The following KCNMA1 variants were observed in gnomAD, a reference collection of about 807,000 sequenced individuals.
KCNMA1 encodes the protein potassium calcium-activated channel subfamily M alpha 1.
Under a neutral mutation model 140.0 loss-of-function variants are expected in KCNMA1, and 29 were observed. That is an observed-to-expected ratio of 0.21 (90% CI 0.15 to 0.28). KCNMA1 has a LOEUF of 0.28. Among genes scored for constraint, KCNMA1 ranks in the 10% least tolerant of loss-of-function variants. The pLI, the probability that KCNMA1 is intolerant of heterozygous loss-of-function variation, is 1.00. For missense variants in KCNMA1, 880 were observed against 1,602.2 expected (o/e 0.55, Z 7.70); for synonymous variants, 612 against 611.9 (o/e 1.00, Z 0.00).
intron 1 of KCNMA1, among the ~76,000 whole-genome samples, chr10:77,459,871 A>G (rs1246341348): frequency 6.6e-6 from 1 of 152,178 alleles, no homozygotes; most frequent in Non-Finnish European, 1.5e-5. Context: ...CCTCATCTAT[A>G]AAGTGGACAC....
At chr10:76,954,782 T>C (rs1404569469) in intron 20 of KCNMA1, among the ~76,000 whole-genome samples, 1 of 152,174 alleles carries the variant, frequency 6.6e-6, no homozygotes, top group Admixed American at 6.5e-5. Flanking sequence ...TCTATTGCCT[T>C]GTCTATTGGT....
intron 2 of KCNMA1, among the ~76,000 whole-genome samples, chr10:77,319,907 T>G (rs1176979856): frequency 1.3e-5 from 2 of 152,230 alleles, no homozygotes; most frequent in Non-Finnish European, 1.5e-5. Flanking sequence ...ACCTTTCTTG[T>G]GTTATGCCAC....
intron 16 of KCNMA1, among the ~76,000 whole-genome samples, chr10:77,025,244 A>ATG (rs1413164422): frequency 1.6e-4 from 8 of 50,248 alleles, no homozygotes; most frequent in African/African-American, 5.9e-4. Flanking sequence ...GTGTGTGTGT[A>ATG]TATATATATA....
chr10:77,255,536 G>T (rs974628713), intron 2 of KCNMA1, among the ~76,000 whole-genome samples: 14 of 152,030 alleles, frequency 9.2e-5, no homozygotes, highest in African/African-American at 2.7e-4. Flanking sequence ...GGAGGCAGAG[G>T]TTGCAGTGAG....
chr10:77,447,078 C>A (rs1179930694), intron 1 of KCNMA1, among the ~76,000 whole-genome samples: 1 of 152,214 alleles, frequency 6.6e-6, no homozygotes, highest in African/African-American at 2.4e-5. Context: ...TGCAAACAGC[C>A]CCCAGCTGTC....
intron 5 of KCNMA1, chr10:77,150,126 T>C (rs2098391671): frequency 6.6e-6 from 1 of 152,210 alleles, no homozygotes; most frequent in Non-Finnish European, 1.5e-5. Flanking sequence ...GGATTCTTTC[T>C]TCCTGCCACA....
intron 14 of KCNMA1, among the ~76,000 whole-genome samples, chr10:77,051,534 A>C (rs188064378): frequency 1.3e-5 from 2 of 152,340 alleles, no homozygotes; most frequent in Admixed American, 6.5e-5. Context: ...TCCCCTCTGC[A>C]GTTTCTCAGA....
In KCNMA1 at chr10:77,398,060, A is replaced by ATGTGTGTGTG. The variant is rs71028275; in HGVS notation, c.540+5792_540+5801dup. ...TGCATGTGTGTGTATATATGTGTGT[A>ATGTGTGTGTG]TGTGTGTGTGTGTGTGTGTATTTTT... On this transcript the variant is annotated intron_variant, in intron 2 of 27. Transcript: ENST00000286628. Among the ~76,000 whole-genome samples the ATGTGTGTGTG allele has an allele frequency of 1.7e-3, 250 of 148,484 alleles. 1 individual carries two copies. The highest frequency in any genetic ancestry group is 5.8e-3 in the African/African-American group (234 of 40,472).
At chr10:77,529,715 C>T (rs961466514) in intron 1 of KCNMA1, among the ~76,000 whole-genome samples, 1 of 152,072 alleles carries the variant, frequency 6.6e-6, no homozygotes, top group Non-Finnish European at 1.5e-5. Context: ...CACCCCTGAT[C>T]CCAGAACCTC....
rs369739808 is a variant in KCNMA1 at position 77,590,341 on chromosome 10, C to T, written c.378+46924G>A. 3.5e-4 allele frequency among the ~76,000 whole-genome samples: 54 copies of T among 152,322 alleles called. No individual in the cohort carries two copies. In the East Asian group the frequency reaches 7.9e-3, roughly 22 times the overall value. ...GCGCCGTGGAGCAGGGGGCGGCGCT[C>T]CTCGGGGAGGCTCGGGCAGCACAGG... On this transcript the variant is annotated intron_variant, in intron 1 of 27. Coordinates refer to ENST00000286628, the MANE Select transcript of KCNMA1 (RefSeq NM_001161352.2).
chr10:77,235,056 C>A (rs184891659), intron 3 of KCNMA1, among the ~76,000 whole-genome samples: 1 of 152,144 alleles, frequency 6.6e-6, no homozygotes, highest in African/African-American at 2.4e-5. Context: ...TTGCCTCCTA[C>A]GAGAAGATGA....
intron 3 of KCNMA1, among the ~76,000 whole-genome samples, chr10:77,205,281 A>C (rs928347066): frequency 3.9e-5 from 6 of 152,210 alleles, no homozygotes; most frequent in African/African-American, 1.4e-4. Context: ...TAAACTTGAC[A>C]CGAAGCATAC....
chr10:77,128,668 A>G lies in KCNMA1; in HGVS notation c.809-7620T>C, dbSNP rs539292759. ...AAATGAACATATAGTAAATATTAAT[A>G]AATATTTTAGGCTGTCACAACGACT... On this transcript the variant is annotated intron_variant, in intron 5 of 27. Transcript: ENST00000286628. Among the ~76,000 whole-genome samples, 5 of 152,292 alleles carry G rather than the reference A, an allele frequency of 3.3e-5. No individual in the cohort carries two copies. In the East Asian group the frequency reaches 9.6e-4, roughly 29 times the overall value.
chr10:76,944,550 A>C (rs1454343508), intron 23 of KCNMA1, among the ~76,000 whole-genome samples: 7 of 152,186 alleles, frequency 4.6e-5, no homozygotes. Flanking sequence ...TATCCTCTGG[A>C]AAGGCAACCT....
At chr10:77,412,134 T>G (rs2096633851) in intron 1 of KCNMA1, among the ~76,000 whole-genome samples, 1 of 152,074 alleles carries the variant, frequency 6.6e-6, no homozygotes. Context: ...GGGAAGCCCC[T>G]CTCATCCCTG....
At chr10:77,325,216 G>A (rs898500681) in intron 2 of KCNMA1, among the ~76,000 whole-genome samples, 9 of 152,094 alleles carry the variant, frequency 5.9e-5, no homozygotes, top group Non-Finnish European at 8.8e-5. Flanking sequence ...CTAAATGTCA[G>A]GTTAATATCC....
At chr10:77,439,652 A>T (rs1322042840) in intron 1 of KCNMA1, among the ~76,000 whole-genome samples, 1 of 152,214 alleles carries the variant, frequency 6.6e-6, no homozygotes, top group African/African-American at 2.4e-5. Context: ...GCCAGGGGAC[A>T]GCAGGAGAGG....
At chr10:77,348,661 A>T (rs1359110939) in intron 2 of KCNMA1, among the ~76,000 whole-genome samples, 1 of 152,250 alleles carries the variant, frequency 6.6e-6, no homozygotes, top group Non-Finnish European at 1.5e-5. Flanking sequence ...CACAGGATCC[A>T]GAAATATATT....
intron 2 of KCNMA1, among the ~76,000 whole-genome samples, chr10:77,389,439 C>T (rs1248443635): frequency 2.0e-5 from 3 of 152,070 alleles, no homozygotes; most frequent in Non-Finnish European, 4.4e-5. Flanking sequence ...TTCAGGGGCC[C>T]CATGATTTGC....
Sources: allele counts gnomAD v4.1 joint callset (sites outside exome capture counted in the v4.1 genomes callset), GRCh38; gene constraint gnomAD v4.1.1; transcripts MANE v1.5; gene names NCBI Gene and HGNC (gene_info 2026-07-23, HGNC 2026-07-21).